CNOT3: variants seen among roughly 807,000 people sequenced by gnomAD.
CNOT3 encodes CCR4-associated factor 3.
Under a neutral mutation model 89.4 loss-of-function variants are expected in CNOT3, and 2 were observed. The ratio of observed to expected loss-of-function variants is 0.02; its 90% confidence interval spans 0.01 to 0.07. The LOEUF (loss-of-function observed/expected upper bound fraction) is 0.07. Among genes scored for constraint, CNOT3 ranks in the 10% least tolerant of loss-of-function variants. CNOT3 has a pLI of 1.00. For synonymous variants in CNOT3, 486 were observed against 402.0 expected (o/e 1.21, Z -2.50); for missense variants, 664 against 1,010.2 (o/e 0.66, Z 4.65).
At chr19:54,152,797 G>A (rs1352650333) in intron 15 of CNOT3, 70 bp from the exon 16 acceptor site, 2 of 871,544 alleles carry the variant, frequency 2.3e-6, no homozygotes, top group Non-Finnish European at 3.8e-6. Flanking sequence ...AGGGATGCAT[G>A]TCTGAGCACC....
At chr19:54,142,085 A>T (rs1007936623) in intron 1 of CNOT3, 2 of 152,110 alleles carry the variant, frequency 1.3e-5, no homozygotes, top group Admixed American at 1.3e-4. Flanking sequence ...TTACCAATCC[A>T]CTTGCTATGG....
chr19:54,142,655 T>C (rs1160415146), intron 1 of CNOT3: 2 of 550,412 alleles, frequency 3.6e-6, no homozygotes, highest in Non-Finnish European at 6.5e-6. Context: ...AGGTACTCCA[T>C]GCTCTAGGAA....
intron 1 of CNOT3, among the ~76,000 whole-genome samples, chr19:54,140,678 G>A (rs2074413580): frequency 6.6e-6 from 1 of 152,164 alleles, no homozygotes; most frequent in African/African-American, 2.4e-5. Flanking sequence ...CTCTGTGGAG[G>A]AGCTGCCTCC....
intron 16 of CNOT3, chr19:54,153,351 C>T (rs369907889): frequency 1.0e-5 from 8 of 763,166 alleles, no homozygotes; most frequent in East Asian, 2.5e-5. Context: ...CTCAGGCCTC[C>T]CTGGAGACCA....
Position 54,146,674 on chromosome 19 carries a change from A to AC in CNOT3, c.894+19dup. ...GTCAGCCAGGTGGGTGTGAGCCTGGACCGGGTGGGCACGCCATTCACTCCT... is the reference window on the plus strand; with the variant it reads ...GTCAGCCAGGTGGGTGTGAGCCTGGACCCGGGTGGGCACGCCATTCACTCCT... On this transcript the variant is annotated intron_variant, in intron 10 of 17. Transcript: ENST00000221232. 1 of 1,426,620 alleles carries AC rather than the reference A, an allele frequency of 7.0e-7. No homozygotes were observed. The highest frequency in any genetic ancestry group is 9.9e-7 in the Non-Finnish European group (1 of 1,008,802). 88.4% of individuals were successfully genotyped at this position (1,426,620 alleles called of 1,614,324 possible).
rs772043379 is a variant in CNOT3 at position 54,145,854 on chromosome 19, G to A, written c.703+37G>A. 5 of 1,609,516 alleles carry A rather than the reference G, an allele frequency of 3.1e-6. No individual in the cohort carries two copies. In the South Asian group the frequency reaches 5.5e-5, roughly 18 times the overall value. ...GGGCTGATCGTGGCACAGGAAGTGA[G>A]GGCCCAGAATGGGCTGTGTGAGCCA... On this transcript the variant is annotated intron_variant, in intron 8 of 17. Transcript: ENST00000221232. This position sits in a 1 kb window ranked among gnomAD's most constrained non-coding sequence, Gnocchi z 5.9.
chr19:54,140,135 CTT>C (rs1411988211), intron 1 of CNOT3, among the ~76,000 whole-genome samples: 2 of 152,138 alleles, frequency 1.3e-5, no homozygotes, highest in African/African-American at 2.4e-5. Context: ...CTCCTCGAGT[CTT>C]TGTGTGGTGG....
intron 12 of CNOT3, among the ~76,000 whole-genome samples, chr19:54,149,011 C>T (rs2074881459): frequency 6.6e-6 from 1 of 152,224 alleles, no homozygotes. Context: ...ATACCCTTTC[C>T]TCCCCATTTC....
chr19:54,154,902 G>A (rs1347594180), intron 17 of CNOT3: 1 of 182,890 alleles, frequency 5.5e-6, no homozygotes, highest in African/African-American at 2.4e-5. Flanking sequence ...CTCTGAGACT[G>A]TTCCATTCTC....
chr19:54,155,180 C>T (rs1339710225), intron 17 of CNOT3, 129 bp from the exon 18 acceptor site: 4 of 987,980 alleles, frequency 4.0e-6, no homozygotes, highest in East Asian at 2.7e-5. Flanking sequence ...AGAGTGTGTG[C>T]GTGCAGGGCA....
intron 1 of CNOT3, among the ~76,000 whole-genome samples, chr19:54,138,790 C>G (rs918502640): frequency 6.6e-6 from 1 of 152,244 alleles, no homozygotes; most frequent in Admixed American, 6.5e-5. Flanking sequence ...CCTCGCCATC[C>G]CGCTGCACTG....
intron 3 of CNOT3, 46 bp downstream of exon 3, chr19:54,143,232 G>T (rs749316326): frequency 1.6e-5 from 25 of 1,550,196 alleles, no homozygotes; most frequent in Non-Finnish European, 2.1e-5. Flanking sequence ...AGAGAGGAGG[G>T]CACAGGAAGG....
At chr19:54,153,223 C>T (rs2075228740) in intron 16 of CNOT3, 1 of 763,774 alleles carries the variant, frequency 1.3e-6, no homozygotes, top group Non-Finnish European at 2.4e-6. Flanking sequence ...CGAGGCTGGT[C>T]CACTGAGGCA....
intron 17 of CNOT3, 156 bp downstream of exon 17, chr19:54,153,996 AGCCTGGAACACC>A: frequency 2.2e-6 from 2 of 928,100 alleles, no homozygotes; most frequent in Non-Finnish European, 3.5e-6. Flanking sequence ...CTGTCTGCTC[AGCCTGGAACACC>A]GCCCTCTCAT....
chr19:54,152,152 T>G lies in CNOT3; in HGVS notation c.1606-74T>G, dbSNP rs2075152067. 4.6e-6 allele frequency: 7 copies of G among 1,530,752 alleles called. No individual in the cohort carries two copies. The South Asian group carries it at 7.9e-5, about 17-fold the overall frequency. The allele number at this position is 1,530,752 out of a possible 1,614,324, so 94.8% of individuals were successfully genotyped here. A position where few individuals can be genotyped will look rare whatever the true frequency, so the allele number is the denominator to read the frequency against. On this transcript the variant is annotated intron_variant, in intron 13 of 17. Transcript: ENST00000221232. ...CCCCCAAACAGGGCAGGTGAGAGCA[T>G]CTGGGGCCTGTGTCAGGCTGCACTT...
Position 54,148,504 on chromosome 19 carries a change from T to C in CNOT3, c.1251T>C (p.Gly417=), listed in dbSNP as rs1414024713. The C allele has an allele frequency of 1.3e-6, 2 of 1,554,800 alleles. No homozygotes were observed. Among genetic ancestry groups the C allele is most frequent in the African/African-American group, 1.4e-5 (1 of 73,494 alleles). Residue 417 remains glycine (G), a synonymous_variant, in exon 11 of 18, where the codon GGT becomes GGC. Transcript: ENST00000221232. This position sits in a 1 kb window ranked among gnomAD's most constrained non-coding sequence, Gnocchi z 6.3. Reference sequence around the variant, plus strand: ...GCAGCAGTAGTAACAGCAGTGCCGGTGGAGGGGCTGGCAAGCAGAATGGCG... The same window carrying C: ...GCAGCAGTAGTAACAGCAGTGCCGGCGGAGGGGCTGGCAAGCAGAATGGCG... ...GSSSSSNSSA[G]GGAGKQNGAT...
chr19:54,140,408 G>A (rs1284224194), intron 1 of CNOT3, among the ~76,000 whole-genome samples: 1 of 151,964 alleles, frequency 6.6e-6, no homozygotes, highest in Non-Finnish European at 1.5e-5. Flanking sequence ...GTGGACCTGC[G>A]ATCACCACCT....
intron 12 of CNOT3, 115 bp from the exon 13 acceptor site, chr19:54,149,445 C>T: frequency 1.7e-6 from 1 of 580,196 alleles, no homozygotes; most frequent in Non-Finnish European, 2.9e-6. Context: ...CCTCACCTGC[C>T]CCTCTCAGAT....
Position 54,148,426 on chromosome 19 carries a change from C to T in CNOT3, c.1173C>T (p.Pro391=). 1 of 1,564,476 alleles carries T rather than the reference C, an allele frequency of 6.4e-7. No individual in the cohort carries two copies. The highest frequency in any genetic ancestry group is 8.7e-7 in the Non-Finnish European group (1 of 1,153,384). ...SGPSTTQPRP[P]SVQPSGGGGG... Reference sequence around the variant, plus strand: ...CCAGCACGACCCAGCCCCGGCCCCCCAGCGTCCAGCCTAGCGGAGGCGGAG... The same window carrying T: ...CCAGCACGACCCAGCCCCGGCCCCCTAGCGTCCAGCCTAGCGGAGGCGGAG... Residue 391 remains proline, a synonymous_variant, in exon 11 of 18, where the codon CCC becomes CCT. Coordinates refer to ENST00000221232, the MANE Select transcript of CNOT3 (RefSeq NM_014516.4). This position sits in a 1 kb window ranked among gnomAD's most constrained non-coding sequence, Gnocchi z 6.3.
Sources: gnomAD v4.1 joint callset for allele counts (sites outside exome capture counted in the v4.1 genomes callset) on GRCh38, gnomAD v4.1.1 for gene constraint, Gnocchi (gnomAD v3.1) non-coding constraint, MANE v1.5 for transcripts, NCBI Gene and HGNC (gene_info 2026-07-23, HGNC 2026-07-21) for gene names.